Variants in ZNG1E observed in about 807,000 individuals in gnomAD.
ZNG1E encodes the protein Zn regulated GTPase metalloprotein activator 1E.
chr9:65,663,277 A>T, the ZNG1E span, among the ~76,000 whole-genome samples: 4 of 152,156 alleles, frequency 2.6e-5, no homozygotes, highest in East Asian at 5.8e-4. Context: ...AAAACTTATA[A>T]AGCATGTTTC....
chr9:65,684,694 T>A, the ZNG1E span, among the ~76,000 whole-genome samples: 16 of 152,230 alleles, frequency 1.1e-4, no homozygotes, highest in Non-Finnish European at 1.9e-4. Context: ...ATGCAAATTC[T>A]TGACCAACCC....
the ZNG1E span, among the ~76,000 whole-genome samples, chr9:65,668,467 A>G: frequency 1.3e-5 from 2 of 150,580 alleles, no homozygotes; most frequent in African/African-American, 2.4e-5. Flanking sequence ...TTCAGGTATA[A>G]TACATAATTT....
the ZNG1E span, chr9:65,707,853 G>C: frequency 1.4e-5 from 2 of 138,844 alleles, no homozygotes; most frequent in African/African-American, 2.8e-5. Context: ...ACTGTCCTCT[G>C]CTGTTCTTTT....
the ZNG1E span, among the ~76,000 whole-genome samples, chr9:65,715,294 G>C: frequency 1.3e-5 from 2 of 150,234 alleles, no homozygotes; most frequent in African/African-American, 2.5e-5. Context: ...TGCGCCCACT[G>C]TCTGGCACTC....
chr9:65,674,474 A>C, the ZNG1E span, among the ~76,000 whole-genome samples: 1 of 152,284 alleles, frequency 6.6e-6, no homozygotes, highest in Non-Finnish European at 1.5e-5. Context: ...TTTATGACCT[A>C]ACCTGGACAA....
the ZNG1E span, among the ~76,000 whole-genome samples, chr9:65,687,343 T>C: frequency 7.2e-6 from 1 of 139,664 alleles, no homozygotes; most frequent in African/African-American, 2.6e-5. Context: ...CATCTCCTGA[T>C]TGAATTTCAT....
the ZNG1E span, chr9:65,703,681 C>T: frequency 3.1e-6 from 3 of 963,334 alleles, no homozygotes; most frequent in South Asian, 9.8e-5. Flanking sequence ...AGGCTCACAG[C>T]TGGCAGTCTA....
At chr9:65,667,145 T>G in the ZNG1E span, among the ~76,000 whole-genome samples, 2 of 152,268 alleles carry the variant, frequency 1.3e-5, no homozygotes, top group Non-Finnish European at 2.9e-5. Context: ...CCCAGGGATA[T>G]GAATAGCTAA....
chr9:65,667,449 C>T, the ZNG1E span, among the ~76,000 whole-genome samples: 1 of 152,282 alleles, frequency 6.6e-6, no homozygotes, highest in East Asian at 1.9e-4. Context: ...TTGATATTTC[C>T]ATAACTGAAG....
At chr9:65,721,031 C>T in the ZNG1E span, among the ~76,000 whole-genome samples, 1 of 147,696 alleles carries the variant, frequency 6.8e-6, no homozygotes, top group Non-Finnish European at 1.5e-5. Context: ...TATAGTTGAA[C>T]ATGAAGCACA....
chr9:65,672,485 C>G, the ZNG1E span, among the ~76,000 whole-genome samples: 5 of 151,106 alleles, frequency 3.3e-5, no homozygotes, highest in African/African-American at 9.7e-5. Flanking sequence ...GTGGCTCACG[C>G]CTGTAATCCC....
the ZNG1E span, among the ~76,000 whole-genome samples, chr9:65,693,861 CTTG>C: frequency 6.6e-6 from 1 of 151,440 alleles, no homozygotes; most frequent in African/African-American, 2.4e-5. Flanking sequence ...CCGGCCTGAA[CTTG>C]TTAATGTTTA....
At chr9:65,714,407 G>A in the ZNG1E span, among the ~76,000 whole-genome samples, 217 of 83,396 alleles carry the variant, frequency 2.6e-3, no homozygotes, top group African/African-American at 0.013. Context: ...GAGGAACTGC[G>A]TTTCTTTGGA....
chr9:65,706,972 G>C, the ZNG1E span: 1 of 129,974 alleles, frequency 7.7e-6, no homozygotes, highest in African/African-American at 3.3e-5. Context: ...CATTCATTTG[G>C]TTTATTTTTA....
chr9:65,662,968 T>G, the ZNG1E span, among the ~76,000 whole-genome samples: 8 of 152,244 alleles, frequency 5.3e-5, no homozygotes, highest in African/African-American at 1.9e-4. Context: ...ATTCAAAGTC[T>G]GATTCTGGTT....
At chr9:65,674,308 G>A in the ZNG1E span, among the ~76,000 whole-genome samples, 174 of 151,856 alleles carry the variant, frequency 1.1e-3, no homozygotes, top group African/African-American at 3.6e-3. Context: ...TGCAAAAGGC[G>A]TGATAAATAC....
the ZNG1E span, among the ~76,000 whole-genome samples, chr9:65,684,655 C>T: frequency 6.6e-5 from 10 of 151,768 alleles, no homozygotes; most frequent in South Asian, 8.3e-4. Context: ...TGAATGGCAG[C>T]CTCAGCCTCA....
chr9:65,660,940 G>A, the ZNG1E span, among the ~76,000 whole-genome samples: 3 of 128,938 alleles, frequency 2.3e-5, no homozygotes, highest in East Asian at 2.4e-4. Flanking sequence ...GAATGAAGCA[G>A]TTGTGATGTG....
the ZNG1E span, among the ~76,000 whole-genome samples, chr9:65,684,558 A>ACACACC: frequency 2.1e-5 from 2 of 96,364 alleles, no homozygotes; most frequent in African/African-American, 4.5e-5. Context: ...ACGCACACAC[A>ACACACC]CACACACACA....
Sources: gnomAD v4.1 joint callset for allele counts (sites outside exome capture counted in the v4.1 genomes callset) on GRCh38, gnomAD v4.1.1 for gene constraint, MANE v1.5 for transcripts, NCBI Gene and HGNC (gene_info 2026-07-23, HGNC 2026-07-21) for gene names.